The following IL6ST variants were observed in gnomAD, a reference collection of about 807,000 sequenced individuals.
IL6ST encodes the protein interleukin 6 cytokine family signal transducer.
IL6ST carries 24 observed loss-of-function variants against 91.3 expected under a neutral mutation model. The observed-to-expected ratio is 0.26, with a 90% confidence interval of 0.19 to 0.37. The LOEUF (loss-of-function observed/expected upper bound fraction) is 0.37. Among genes scored for constraint, IL6ST ranks in the 10% least tolerant of loss-of-function variants. The pLI is 1.00. For missense variants in IL6ST, 914 were observed against 1,078.5 expected (o/e 0.85, Z 2.14); for synonymous variants, 351 against 373.6 (o/e 0.94, Z 0.70).
At chr5:55,985,412 G>A (rs948409045) in intron 1 of IL6ST, among the ~76,000 whole-genome samples, 1 of 151,768 alleles carries the variant, frequency 6.6e-6, no homozygotes, top group East Asian at 1.9e-4. Flanking sequence ...AGCTACACAG[G>A]AAGCTGAGGC....
intron 2 of IL6ST, among the ~76,000 whole-genome samples, chr5:55,981,652 A>C (rs1753681271): frequency 6.6e-6 from 1 of 150,664 alleles, no homozygotes; most frequent in South Asian, 2.1e-4. Flanking sequence ...CAAAAAAATA[A>C]AAAAAAAAAT....
chr5:55,963,982 A>C (rs1284791819), intron 6 of IL6ST, among the ~76,000 whole-genome samples, 164 bp downstream of exon 6: 1 of 152,168 alleles, frequency 6.6e-6, no homozygotes, highest in Non-Finnish European at 1.5e-5. Flanking sequence ...ATTAAAATCT[A>C]AAATCTACAT....
intron 11 of IL6ST, among the ~76,000 whole-genome samples, chr5:55,954,244 A>C (rs771481582): frequency 7.9e-5 from 12 of 152,232 alleles, no homozygotes; most frequent in Non-Finnish European, 1.6e-4. Context: ...AATTATCAAC[A>C]AAAGACTATA....
intron 3 of IL6ST, among the ~76,000 whole-genome samples, chr5:55,974,076 T>G (rs538550552): frequency 6.6e-6 from 1 of 152,150 alleles, no homozygotes; most frequent in South Asian, 2.1e-4. Context: ...GATCACTAGC[T>G]CAACATGAAA....
chr5:55,960,917 C>T (rs1752272651), intron 7 of IL6ST, among the ~76,000 whole-genome samples: 1 of 152,086 alleles, frequency 6.6e-6, no homozygotes, highest in Non-Finnish European at 1.5e-5. Flanking sequence ...AGATGTGAGC[C>T]ACTGCGCTCA....
chr5:55,977,554 G>C (rs775950344), intron 2 of IL6ST, among the ~76,000 whole-genome samples: 1 of 152,000 alleles, frequency 6.6e-6, no homozygotes, highest in Non-Finnish European at 1.5e-5. Context: ...GGCAGGACGC[G>C]ATGGCTCACG....
intron 3 of IL6ST, among the ~76,000 whole-genome samples, chr5:55,973,926 T>C (rs1460059929): frequency 1.3e-5 from 2 of 151,998 alleles, no homozygotes; most frequent in Non-Finnish European, 2.9e-5. Context: ...GCTGAAAGAG[T>C]AGAACACCAG....
intron 15 of IL6ST, among the ~76,000 whole-genome samples, chr5:55,945,080 G>T: frequency 7.1e-6 from 1 of 141,462 alleles, no homozygotes; most frequent in African/African-American, 2.6e-5. Flanking sequence ...CTCTCCTATA[G>T]ATTCAATTAA....
chr5:55,988,767 C>CAAAA (rs34387197), intron 1 of IL6ST, among the ~76,000 whole-genome samples: 1 of 99,186 alleles, frequency 1.0e-5, no homozygotes, highest in African/African-American at 3.8e-5. Flanking sequence ...ACTCCATCTC[C>CAAAA]AAAAAAAAAA....
At chr5:55,948,510 AAAT>A (rs1751417578) in intron 14 of IL6ST, among the ~76,000 whole-genome samples, 1 of 152,072 alleles carries the variant, frequency 6.6e-6, no homozygotes, top group Admixed American at 6.6e-5. Context: ...ATGGGTTGGC[AAAT>A]ATTAACTCTT....
At chr5:55,963,961 T>C (rs1198335303) in intron 6 of IL6ST, among the ~76,000 whole-genome samples, 185 bp downstream of exon 6, 1 of 152,132 alleles carries the variant, frequency 6.6e-6, no homozygotes, top group East Asian at 1.9e-4. Flanking sequence ...TAAATGCTTG[T>C]TTCTACATTA....
chr5:55,994,301 GAA>G (rs1260817398), intron 1 of IL6ST: 1 of 152,014 alleles, frequency 6.6e-6, no homozygotes, highest in Non-Finnish European at 1.5e-5. Flanking sequence ...AAGAAGGAAA[GAA>G]ACGTTAATAG....
At chr5:55,990,359 T>C (rs1252818448) in intron 1 of IL6ST, among the ~76,000 whole-genome samples, 1 of 152,218 alleles carries the variant, frequency 6.6e-6, no homozygotes, top group East Asian at 1.9e-4. Flanking sequence ...TTTCACATTG[T>C]TGACCATCCC....
chr5:55,940,066 T>C lies in IL6ST; in HGVS notation c.*1016A>G, dbSNP rs1463714278. 2.0e-5 allele frequency: 4 copies of C among 196,924 alleles called. No homozygotes were observed. The highest frequency in any genetic ancestry group is 1.6e-4 in the East Asian group (2 of 12,606). The allele number at this position is 196,924 out of a possible 1,614,324, so 12.2% of individuals were successfully genotyped here. A position where few individuals can be genotyped will look rare whatever the true frequency, so the allele number is the denominator to read the frequency against. ...TCAAAACAAATTTAAGCTGAAGATATATACTGTATAAAGTGTTCATCTACC... is the reference window on the plus strand; with the variant it reads ...TCAAAACAAATTTAAGCTGAAGATACATACTGTATAAAGTGTTCATCTACC... On this transcript the variant is annotated 3_prime_UTR_variant, in exon 17 of 17. Coordinates refer to ENST00000381298, the MANE Select transcript of IL6ST (RefSeq NM_002184.4).
intron 14 of IL6ST, among the ~76,000 whole-genome samples, chr5:55,951,055 G>C (rs978549115): frequency 1.3e-5 from 2 of 152,184 alleles, no homozygotes; most frequent in African/African-American, 4.8e-5. Context: ...CAGTGCAGGG[G>C]TGGGGTAGGA....
chr5:55,947,403 T>A, intron 15 of IL6ST, 90 bp downstream of exon 15: 1 of 743,928 alleles, frequency 1.3e-6, no homozygotes, highest in Non-Finnish European at 2.3e-6. Context: ...TTCATCAAAC[T>A]GTACACTTAA....
intron 14 of IL6ST, among the ~76,000 whole-genome samples, chr5:55,950,597 C>T (rs1449905169): frequency 8.8e-6 from 1 of 113,938 alleles, no homozygotes; most frequent in Admixed American, 8.7e-5. Flanking sequence ...CACCAAAGAA[C>T]AAGGAGACTC....
chr5:55,948,213 G>A (rs1265973653), intron 14 of IL6ST, among the ~76,000 whole-genome samples: 1 of 152,128 alleles, frequency 6.6e-6, no homozygotes, highest in African/African-American at 2.4e-5. Context: ...ACAAGCCTAA[G>A]ATCCCTAAAT....
At position 55,968,332 on chromosome 5, in the gene IL6ST, C is replaced by A; in HGVS notation, c.435G>T (p.Glu145Asp). 2 of 1,609,612 alleles carry A rather than the reference C, an allele frequency of 1.2e-6. No homozygotes were observed. The highest frequency in any genetic ancestry group is 1.7e-6 in the Non-Finnish European group (2 of 1,178,296). The part of the protein sequence containing the change: ...IVNEGKKMRC[E>D]WDGGRETHLE... ...AGTGTGTTTCCCTTCCACCATCCCA[C>A]TCACACCTCATTTTCTTCCCCTCGT... is the stretch of plus-strand genomic sequence containing the variant. The change falls in exon 5 of 17, where the codon GAG (glutamate) becomes GAT (aspartate). Residue 145 changes from glutamate to aspartate, a missense_variant. Physicochemically the swap from Glu to Asp is conservative, Grantham distance 45. Coordinates refer to ENST00000381298, the MANE Select transcript of IL6ST (RefSeq NM_002184.4).
Sources: gnomAD v4.1 joint callset for allele counts (sites outside exome capture counted in the v4.1 genomes callset) on GRCh38, gnomAD v4.1.1 for gene constraint, MANE v1.5 for transcripts, NCBI Gene and HGNC (gene_info 2026-07-23, HGNC 2026-07-21) for gene names.